The following ARHGAP26 variants were observed in gnomAD, a reference collection of about 807,000 sequenced individuals.
ARHGAP26 encodes Rho GTPase activating protein 26.
In ARHGAP26, 38 loss-of-function variants were observed where a neutral mutation model predicts 104.8. That is an observed-to-expected ratio of 0.36 (90% CI 0.28 to 0.48). The LOEUF (loss-of-function observed/expected upper bound fraction) is 0.48, where lower values mean the gene tolerates loss of function less well. ARHGAP26 is among the 20% of genes least tolerant of loss of function. The pLI, the probability that ARHGAP26 is intolerant of heterozygous loss-of-function variation, is 0.99. For missense variants in ARHGAP26, 704 were observed against 947.9 expected (o/e 0.74, Z 3.38); for synonymous variants, 341 against 340.0 (o/e 1.00, Z -0.03).
At chr5:143,019,169 T>C (rs185953134) in intron 12 of ARHGAP26, among the ~76,000 whole-genome samples, 1 of 152,288 alleles carries the variant, frequency 6.6e-6, no homozygotes, top group East Asian at 1.9e-4. Flanking sequence ...TGACACCAGA[T>C]TCTCTAATTT....
intron 1 of ARHGAP26, among the ~76,000 whole-genome samples, chr5:142,811,211 T>G (rs889979667): frequency 6.6e-6 from 1 of 152,178 alleles, no homozygotes; most frequent in Non-Finnish European, 1.5e-5. Context: ...GCACAATGCC[T>G]GGCCTTCCAC....
chr5:142,961,881 CT>C (rs1289282526), intron 11 of ARHGAP26, among the ~76,000 whole-genome samples: 2 of 152,116 alleles, frequency 1.3e-5, no homozygotes, highest in Non-Finnish European at 2.9e-5. Context: ...TGCAAATTCT[CT>C]TTTAAATTTG....
intron 17 of ARHGAP26, among the ~76,000 whole-genome samples, chr5:143,110,259 C>CT (rs1256704814): frequency 6.6e-6 from 1 of 152,218 alleles, no homozygotes; most frequent in Non-Finnish European, 1.5e-5. Context: ...ATGTAAGCTT[C>CT]TCTAAGGCAG....
chr5:143,162,200 G>T (rs1801319792), intron 20 of ARHGAP26, among the ~76,000 whole-genome samples: 1 of 151,744 alleles, frequency 6.6e-6, no homozygotes, highest in Non-Finnish European at 1.5e-5. Context: ...TTACAGCATA[G>T]ACCTCATGGT....
At chr5:143,196,255 C>T (rs1288939071) in intron 20 of ARHGAP26, among the ~76,000 whole-genome samples, 3 of 152,140 alleles carry the variant, frequency 2.0e-5, no homozygotes, top group Non-Finnish European at 4.4e-5. Context: ...TCACAGTCCT[C>T]TTCTTCCCCA....
At chr5:142,867,184 T>G (rs900903080) in intron 1 of ARHGAP26, among the ~76,000 whole-genome samples, 11 of 152,184 alleles carry the variant, frequency 7.2e-5, no homozygotes, top group African/African-American at 2.7e-4. Flanking sequence ...CAAGGTGTTC[T>G]CTGATATAGT....
rs144866190 is a variant in ARHGAP26 at position 142,994,242 on chromosome 5, G to T, written c.1108-19838G>T. 8.1e-3 allele frequency among the ~76,000 whole-genome samples: 1,229 copies of T among 152,260 alleles called. 8 individuals are homozygous for T. Among genetic ancestry groups the T allele is most frequent in the African/African-American group, 0.028 (1,178 of 41,512 alleles). On this transcript the variant is annotated intron_variant, in intron 11 of 22. Transcript: ENST00000645722. Reference sequence around the variant, plus strand: ...GTAGGGCATTGAAGGATGTTCACGGGCAGAGATGCATAGAAGGGCTTCCTT... The same window carrying T: ...GTAGGGCATTGAAGGATGTTCACGGTCAGAGATGCATAGAAGGGCTTCCTT...
chr5:142,978,200 C>T (rs768892407), intron 11 of ARHGAP26, among the ~76,000 whole-genome samples: 17 of 152,118 alleles, frequency 1.1e-4, no homozygotes, highest in Non-Finnish European at 1.9e-4. Context: ...TAGGGTTTGC[C>T]CAAGGCCTCA....
intron 17 of ARHGAP26, among the ~76,000 whole-genome samples, chr5:143,078,772 G>C (rs150387755): frequency 6.6e-6 from 1 of 152,346 alleles, no homozygotes; most frequent in African/African-American, 2.4e-5. Flanking sequence ...AAATAAGACA[G>C]GTGGGTTTGA....
rs112217181 is a variant in ARHGAP26, at chr5:142,973,185, T to C, written c.1108-40895T>C. On this transcript the variant is annotated intron_variant, in intron 11 of 22. Coordinates refer to ENST00000645722, the MANE Select transcript of ARHGAP26 (RefSeq NM_001135608.3). ...ACAGGTAAGGGTGTTTGTTGCAGCA[T>C]TGGTGGAAAAGCTAAGATAGATAGA... 8.4e-4 allele frequency among the ~76,000 whole-genome samples: 128 copies of C among 152,228 alleles called. 1 individual carries two copies. The highest frequency in any genetic ancestry group is 2.8e-3 in the African/African-American group (118 of 41,528).
intron 9 of ARHGAP26, among the ~76,000 whole-genome samples, chr5:142,912,800 G>A (rs1762000343): frequency 6.6e-6 from 1 of 152,164 alleles, no homozygotes; most frequent in African/African-American, 2.4e-5. Context: ...ACGTTCTGGG[G>A]ATATTTGTTC....
At chr5:142,923,792 C>G (rs533223364) in intron 10 of ARHGAP26, among the ~76,000 whole-genome samples, 36 of 151,604 alleles carry the variant, frequency 2.4e-4, no homozygotes, top group Middle Eastern at 3.5e-3. Flanking sequence ...AGGAACATTC[C>G]TCTAAAAATA....
intron 1 of ARHGAP26, among the ~76,000 whole-genome samples, chr5:142,848,536 G>A (rs1182898021): frequency 6.6e-6 from 1 of 152,152 alleles, no homozygotes; most frequent in Non-Finnish European, 1.5e-5. Context: ...CTGAGTGCAG[G>A]CGCTCCTCAC....
intron 1 of ARHGAP26, among the ~76,000 whole-genome samples, chr5:142,830,047 G>T (rs1036186836): frequency 1.3e-5 from 2 of 152,176 alleles, no homozygotes; most frequent in Non-Finnish European, 2.9e-5. Flanking sequence ...TATTGGCCCA[G>T]GGTGAACCTT....
intron 20 of ARHGAP26, chr5:143,170,055 CA>C (rs758307954): frequency 5.9e-5 from 9 of 152,228 alleles, no homozygotes; most frequent in Non-Finnish European, 1.2e-4. Flanking sequence ...ATTTAAAAAA[CA>C]AATTTCTGGG....
intron 11 of ARHGAP26, among the ~76,000 whole-genome samples, chr5:142,996,749 A>C (rs930782809): frequency 1.3e-5 from 2 of 152,182 alleles, no homozygotes; most frequent in Non-Finnish European, 2.9e-5. Context: ...GGTCTGCTCC[A>C]AAGAAAACTG....
chr5:143,070,669 G>C (rs1338332954), intron 17 of ARHGAP26, among the ~76,000 whole-genome samples: 1 of 152,138 alleles, frequency 6.6e-6, no homozygotes, highest in African/African-American at 2.4e-5. Flanking sequence ...CAGCACTTTG[G>C]GAGGCCGAGA....
At chr5:142,919,527 C>T in intron 10 of ARHGAP26, 1 of 397,636 alleles carries the variant, frequency 2.5e-6, no homozygotes. Flanking sequence ...AATGAAGCAG[C>T]ACTCATGCAC....
Position 142,999,926 on chromosome 5 carries a change from A to C in ARHGAP26, c.1108-14154A>C, listed in dbSNP as rs56394878. 6.2e-3 allele frequency among the ~76,000 whole-genome samples: 942 copies of C among 152,318 alleles called. 7 individuals are homozygous for C. The highest frequency in any genetic ancestry group is 7.8e-3 in the Non-Finnish European group (532 of 68,032). On this transcript the variant is annotated intron_variant, in intron 11 of 22. Coordinates refer to ENST00000645722, the MANE Select transcript of ARHGAP26 (RefSeq NM_001135608.3). ...TAGAGAACCCATAAAACTCAGTAAT[A>C]AAAAGAAGAACCTAACTAAAAGACA... is the stretch of plus-strand genomic sequence containing the variant.
Sources: gnomAD v4.1 joint callset for allele counts (sites outside exome capture counted in the v4.1 genomes callset) on GRCh38, gnomAD v4.1.1 for gene constraint, MANE v1.5 for transcripts, NCBI Gene and HGNC (gene_info 2026-07-23, HGNC 2026-07-21) for gene names.